The following TMCO6 variants were observed in gnomAD, a reference collection of about 807,000 sequenced individuals.
The protein encoded by TMCO6 is transmembrane and coiled-coil domains 6.
TMCO6 carries 47 observed loss-of-function variants against 61.8 expected under a neutral mutation model. The observed-to-expected ratio is 0.76, with a 90% CI of 0.60 to 0.97. The LOEUF (loss-of-function observed/expected upper bound fraction) is 0.97, where lower values mean the gene tolerates loss of function less well. Ranked by LOEUF, TMCO6 falls within the 50% of genes least tolerant of loss-of-function variation. The pLI is 0.00. For missense variants in TMCO6, 557 were observed against 601.6 expected (o/e 0.93, Z 0.78); for synonymous variants, 261 against 254.2 (o/e 1.03, Z -0.25).
the TMCO6 span, among the ~76,000 whole-genome samples, chr5:140,615,313 A>G: frequency 2.0e-5 from 3 of 152,236 alleles, no homozygotes; most frequent in East Asian, 5.8e-4. Flanking sequence ...AATAAACAGA[A>G]AGTTAATCCA....
At chr5:140,647,149 G>A, downstream of TMCO6, 28 of 1,214,270 alleles carry the variant, frequency 2.3e-5, no homozygotes, top group Non-Finnish European at 3.0e-5. Flanking sequence ...GCTAAAGTCC[G>A]AGTTCTAGTT....
At chr5:140,640,354 C>G (rs1043691237) in intron 2 of TMCO6, among the ~76,000 whole-genome samples, 2 of 152,002 alleles carry the variant, frequency 1.3e-5, no homozygotes, top group African/African-American at 4.8e-5. Flanking sequence ...GCATTCGCTA[C>G]GTCTAACGTT....
At chr5:140,607,595 A>G in the TMCO6 span, among the ~76,000 whole-genome samples, 4 of 152,152 alleles carry the variant, frequency 2.6e-5, no homozygotes, top group Non-Finnish European at 5.9e-5. Flanking sequence ...AAAATTAATT[A>G]TATATTTAAC....
chr5:140,605,541 A>G, the TMCO6 span, among the ~76,000 whole-genome samples: 1 of 151,972 alleles, frequency 6.6e-6, no homozygotes, highest in Non-Finnish European at 1.5e-5. Flanking sequence ...TTAGCTGGGC[A>G]TGGTGGTGGG....
chr5:140,629,242 C>G, the TMCO6 span, among the ~76,000 whole-genome samples: 1 of 151,752 alleles, frequency 6.6e-6, no homozygotes. Context: ...GCACTCCAGC[C>G]TAGGTGACAG....
At chr5:140,647,402 G>A (rs749897719), downstream of TMCO6, 1 of 1,610,940 alleles carries the variant, frequency 6.2e-7, no homozygotes, top group East Asian at 2.2e-5. Context: ...CTGTGGGCGG[G>A]GGCTTCCCTC....
chr5:140,600,423 A>G, the TMCO6 span, among the ~76,000 whole-genome samples: 178 of 150,280 alleles, frequency 1.2e-3, no homozygotes, highest in African/African-American at 4.2e-3. Context: ...ATTTGTTCCC[A>G]TTTTAGCACA....
At chr5:140,643,277 A>G (rs1456889558) in intron 7 of TMCO6, 5 of 623,386 alleles carry the variant, frequency 8.0e-6, no homozygotes, top group African/African-American at 5.6e-5. Context: ...GCTCACTGCA[A>G]CCTCTGCCTC....
the TMCO6 span, among the ~76,000 whole-genome samples, chr5:140,626,298 G>A: frequency 6.6e-6 from 1 of 151,486 alleles, no homozygotes; most frequent in Admixed American, 6.6e-5. Context: ...TACTATTAAT[G>A]TCAAACCCAA....
the TMCO6 span, among the ~76,000 whole-genome samples, chr5:140,621,859 C>T: frequency 2.6e-5 from 4 of 152,210 alleles, no homozygotes; most frequent in South Asian, 4.1e-4. Flanking sequence ...TCTCCCATAG[C>T]GCTCCCAGGC....
chr5:140,626,567 T>A, the TMCO6 span, among the ~76,000 whole-genome samples: 1 of 152,120 alleles, frequency 6.6e-6, no homozygotes, highest in Non-Finnish European at 1.5e-5. Flanking sequence ...TTAGAGGTCA[T>A]TCCCCTTGAC....
chr5:140,645,517 T>C, downstream of TMCO6: 1 of 1,588,040 alleles, frequency 6.3e-7, no homozygotes, highest in Non-Finnish European at 8.6e-7. Context: ...GAACACATTT[T>C]TTTCACATTA....
chr5:140,644,302 T>C (rs1757250966), intron 10 of TMCO6, 108 bp downstream of exon 10: 1 of 1,287,954 alleles, frequency 7.8e-7, no homozygotes, highest in South Asian at 1.2e-5. Flanking sequence ...GGTGGTGGTG[T>C]GTGGCCTCAG....
At chr5:140,632,888 G>GAA in the TMCO6 span, 2 of 1,614,206 alleles carry the variant, frequency 1.2e-6, no homozygotes, top group Non-Finnish European at 1.7e-6. This position sits in a 1 kb window ranked among gnomAD's most constrained non-coding sequence, Gnocchi z 6.2. Flanking sequence ...AGACGCAGCG[G>GAA]AAATCTTCAT....
chr5:140,605,639 C>T, the TMCO6 span, among the ~76,000 whole-genome samples: 3 of 150,860 alleles, frequency 2.0e-5, no homozygotes, highest in African/African-American at 4.9e-5. Flanking sequence ...GAGATCTCGT[C>T]GTTGCACTCC....
chr5:140,605,097 A>T, the TMCO6 span, among the ~76,000 whole-genome samples: 3 of 152,194 alleles, frequency 2.0e-5, no homozygotes, highest in Non-Finnish European at 4.4e-5. Context: ...TTCTTTTTGA[A>T]AACATGTAAA....
chr5:140,603,411 G>A, the TMCO6 span, among the ~76,000 whole-genome samples: 28 of 152,070 alleles, frequency 1.8e-4, no homozygotes, highest in African/African-American at 2.4e-4. Context: ...AGGTTCAAGC[G>A]CTTTTCCTGC....
the TMCO6 span, among the ~76,000 whole-genome samples, chr5:140,608,430 AT>A: frequency 3.4e-3 from 510 of 152,182 alleles, 2 homozygotes; most frequent in Middle Eastern, 0.014. Context: ...AATTTGCAAC[AT>A]TTTCTCCCAT....
chr5:140,632,060 TCTGTTGCAG>T, the TMCO6 span: 1 of 1,614,216 alleles, frequency 6.2e-7, no homozygotes, highest in African/African-American at 1.3e-5. This position sits in a 1 kb window ranked among gnomAD's most constrained non-coding sequence, Gnocchi z 6.2. Context: ...CCCTGTTCAG[TCTGTTGCAG>T]CTGAGATCGA....
Sources: allele counts gnomAD v4.1 joint callset (sites outside exome capture counted in the v4.1 genomes callset), GRCh38; gene constraint gnomAD v4.1.1; non-coding constraint Gnocchi (gnomAD v3.1); transcripts MANE v1.5; gene names NCBI Gene and HGNC (gene_info 2026-07-23, HGNC 2026-07-21).